The following SDK2 variants were observed in gnomAD, a reference collection of about 807,000 sequenced individuals.
SDK2 encodes the protein sidekick cell adhesion molecule 2.
Under a neutral mutation model 253.9 loss-of-function variants are expected in SDK2, and 105 were observed. The ratio of observed to expected loss-of-function variants is 0.41; its 90% CI spans 0.35 to 0.49. The LOEUF is 0.49. Among genes scored for constraint, SDK2 ranks in the 20% least tolerant of loss-of-function variants. SDK2 has a pLI of 0.06. For synonymous variants in SDK2, 1,249 were observed against 1,234.9 expected (o/e 1.01, Z -0.24); for missense variants, 2,608 against 3,003.0 (o/e 0.87, Z 3.07).
rs1256460352 is a variant in SDK2 at position 73,423,396 on chromosome 17, C to T, written c.1887G>A (p.Met629Ile). The change falls in exon 14 of 45, where the codon ATG (methionine) becomes ATA (isoleucine). Residue 629 changes from methionine to isoleucine, a missense_variant. Coordinates refer to ENST00000392650, the MANE Select transcript of SDK2 (RefSeq NM_001144952.2). ...CCACGGGAAGCTTACTGTTCTCCGACATCTCCAGAATGTAGCGGATCAGGG... is the reference window on the plus strand; with the variant it reads ...CCACGGGAAGCTTACTGTTCTCCGATATCTCCAGAATGTAGCGGATCAGGG... Reference protein sequence around the residue: ...NSPLIRYILEMSENNAPWTVL... With the variant: ...NSPLIRYILEISENNAPWTVL... The T allele has an allele frequency of 6.7e-7, 1 of 1,492,988 alleles. No homozygotes were observed. The highest frequency in any genetic ancestry group is 9.0e-7 in the Non-Finnish European group (1 of 1,113,732). 92.5% of individuals were successfully genotyped at this position (1,492,988 alleles called of 1,614,324 possible). A position where few individuals can be genotyped will look rare whatever the true frequency, so the allele number is the denominator to read the frequency against.
chr17:73,473,507 A>ACCT (rs2063666466), intron 2 of SDK2, among the ~76,000 whole-genome samples: 1 of 152,114 alleles, frequency 6.6e-6, no homozygotes, highest in Admixed American at 6.5e-5. Flanking sequence ...GTTCCTTGAC[A>ACCT]CCTGCCTCTA....
intron 1 of SDK2, among the ~76,000 whole-genome samples, chr17:73,509,911 A>AAAAAAAAAAAAAAAAAAAAAAAAAG: frequency 7.0e-6 from 1 of 143,774 alleles, no homozygotes; most frequent in African/African-American, 2.6e-5. Flanking sequence ...ACAAAAAAAA[A>AAAAAAAAAAAAAAAAAAAAAAAAAG]AAAAAAAAAA....
intron 1 of SDK2, among the ~76,000 whole-genome samples, chr17:73,608,743 T>C (rs1412539057): frequency 6.6e-6 from 1 of 152,136 alleles, no homozygotes; most frequent in Non-Finnish European, 1.5e-5. Flanking sequence ...GTGCCAGGCC[T>C]AAAATTTCCC....
At chr17:73,573,931 G>A (rs757662039) in intron 1 of SDK2, among the ~76,000 whole-genome samples, 2 of 152,140 alleles carry the variant, frequency 1.3e-5, no homozygotes, top group Non-Finnish European at 2.9e-5. Flanking sequence ...CCTGGGCTCC[G>A]CCGTCTCTGC....
At chr17:73,528,711 C>T (rs140104962) in intron 1 of SDK2, among the ~76,000 whole-genome samples, 1 of 152,204 alleles carries the variant, frequency 6.6e-6, no homozygotes, top group African/African-American at 2.4e-5. Flanking sequence ...TTTGACACTG[C>T]AGGGTCACCA....
chr17:73,539,056 G>A (rs568987375), intron 1 of SDK2, among the ~76,000 whole-genome samples: 1 of 152,288 alleles, frequency 6.6e-6, no homozygotes, highest in East Asian at 1.9e-4. Context: ...GTGACCTCAG[G>A]AGAAGGCTGG....
intron 1 of SDK2, among the ~76,000 whole-genome samples, chr17:73,604,380 G>T (rs2143079177): frequency 6.6e-6 from 1 of 152,334 alleles, no homozygotes; most frequent in East Asian, 1.9e-4. Flanking sequence ...AGGGCACAGG[G>T]AAGGGACCTG....
chr17:73,461,678 G>C (rs1048751571), intron 3 of SDK2, among the ~76,000 whole-genome samples: 1 of 152,172 alleles, frequency 6.6e-6, no homozygotes, highest in Admixed American at 6.5e-5. Flanking sequence ...TAGGTGGATG[G>C]AGGAAAGAAT....
chr17:73,419,737 A>G (rs1412183081), intron 15 of SDK2, among the ~76,000 whole-genome samples: 1 of 126,574 alleles, frequency 7.9e-6, no homozygotes, highest in African/African-American at 3.0e-5. Flanking sequence ...ACCCAAAAAA[A>G]CTCCCTCCTG....
At position 73,639,409 on chromosome 17, in the gene SDK2, C is replaced by T. The variant is rs2046370098; in HGVS notation, c.64+4616G>A. ...CTCACTGGCTCTGCCTCCTGCCCAG[C>T]ACATGGACAGCAGGGGTGGGACACC... is the stretch of plus-strand genomic sequence containing the variant. On this transcript the variant is annotated intron_variant, in intron 1 of 44. Coordinates refer to ENST00000392650, the MANE Select transcript of SDK2 (RefSeq NM_001144952.2). This position sits in a 1 kb window ranked among gnomAD's most constrained non-coding sequence, Gnocchi z 4.3. Among the ~76,000 whole-genome samples the T allele has an allele frequency of 6.6e-6, 1 of 152,208 alleles. No individual in the cohort carries two copies. The highest frequency in any genetic ancestry group is 1.9e-4 in the East Asian group (1 of 5,186).
At chr17:73,549,375 T>C (rs1261620876) in intron 1 of SDK2, among the ~76,000 whole-genome samples, 1 of 152,164 alleles carries the variant, frequency 6.6e-6, no homozygotes, top group Non-Finnish European at 1.5e-5. Context: ...TCTTTGCCCT[T>C]TAGCTTGTAC....
At chr17:73,518,245 G>A (rs1333529385) in intron 1 of SDK2, 1 of 151,926 alleles carries the variant, frequency 6.6e-6, no homozygotes. Flanking sequence ...ACCTTACTGG[G>A]CCCTGTAATG....
At position 73,507,455 on chromosome 17, in the gene SDK2, C is replaced by G. The variant is rs2145760034; in HGVS notation, c.207G>C (p.Lys69Asn). 1.9e-6 allele frequency: 3 copies of G among 1,551,282 alleles called. No individual in the cohort carries two copies. Among genetic ancestry groups the G allele is most frequent in the East Asian group, 2.4e-5 (1 of 40,906 alleles). ...KWLHNNRELT[K>N]FSLEYRYMIT... ...CAGTTTACCTGTATTCCAGGGAGAA[C>G]TTGGTCAGCTCCCTGTTGTTGTGGA... The change falls in exon 2 of 45, where the codon AAG becomes AAC. Residue 69 changes from lysine (K) to asparagine (N), a missense_variant. Around this residue, in one of 2 missense-constraint regions of SDK2, gnomAD observed 1,505 missense variants for 1,859.1 expected, o/e 0.81. Transcript: ENST00000392650.
chr17:73,535,027 G>C (rs968001247), intron 1 of SDK2, among the ~76,000 whole-genome samples: 4 of 152,186 alleles, frequency 2.6e-5, no homozygotes, highest in Non-Finnish European at 4.4e-5. Flanking sequence ...GGACATCCTG[G>C]AATCTGGAGG....
In SDK2 at chr17:73,438,015, G is replaced by C; in HGVS notation, c.865C>G (p.Arg289Gly). Reference protein sequence around the residue: ...AGYYECEAVLRSSSVPSVVRG... With the variant: ...AGYYECEAVLGSSSVPSVVRG... Reference sequence around the variant, plus strand: ...ACAACAGAGGGGACGCTGCTGCTGCGCAGGACAGCCTCACACTCGTAGTAG... The same window carrying C: ...ACAACAGAGGGGACGCTGCTGCTGCCCAGGACAGCCTCACACTCGTAGTAG... Residue 289 changes from arginine to glycine, a missense_variant, in exon 7 of 45, where the codon CGC becomes GGC. Physicochemically the swap from Arg to Gly is moderately radical, Grantham distance 125 (BLOSUM62 -2). Transcript: ENST00000392650. The C allele has an allele frequency of 6.4e-7, 1 of 1,551,474 alleles. No homozygotes were observed. Among genetic ancestry groups the C allele is most frequent in the Non-Finnish European group, 8.7e-7 (1 of 1,147,006 alleles).
At chr17:73,604,015 G>A (rs907945165) in intron 1 of SDK2, among the ~76,000 whole-genome samples, 1 of 152,264 alleles carries the variant, frequency 6.6e-6, no homozygotes, top group East Asian at 1.9e-4. Context: ...GACAATGCCT[G>A]TCTCAGAACC....
chr17:73,547,984 G>T (rs180838507), intron 1 of SDK2, among the ~76,000 whole-genome samples: 3 of 152,258 alleles, frequency 2.0e-5, no homozygotes, highest in South Asian at 4.2e-4. Context: ...GGCAGAGCAG[G>T]AGAGAGAGAG....
At chr17:73,625,460 T>C (rs1361490122) in intron 1 of SDK2, among the ~76,000 whole-genome samples, 1 of 152,096 alleles carries the variant, frequency 6.6e-6, no homozygotes, top group Admixed American at 6.5e-5. Flanking sequence ...AACTGAGGCC[T>C]GGAGAGGGGA....
At chr17:73,562,888 G>C (rs1431944578) in intron 1 of SDK2, among the ~76,000 whole-genome samples, 2 of 152,212 alleles carry the variant, frequency 1.3e-5, no homozygotes, top group African/African-American at 2.4e-5. Context: ...TTTCCCATTT[G>C]ATGATGGGTA....
Sources: allele counts gnomAD v4.1 joint callset (sites outside exome capture counted in the v4.1 genomes callset), GRCh38; gene constraint gnomAD v4.1.1; regional missense constraint gnomAD v4.1.1; non-coding constraint Gnocchi (gnomAD v3.1); transcripts MANE v1.5; gene names NCBI Gene and HGNC (gene_info 2026-07-23, HGNC 2026-07-21).